The following ZNF407 variants were observed in gnomAD, a reference collection of about 807,000 sequenced individuals.
ZNF407 encodes zinc finger protein 407.
A neutral mutation model predicts 131.2 loss-of-function variants in ZNF407; 17 were observed. The ratio of observed to expected loss-of-function variants is 0.13; its 90% CI spans 0.09 to 0.19. The LOEUF is 0.19. Ranked by LOEUF, ZNF407 falls within the 10% of genes least tolerant of loss-of-function variation. The probability of loss-of-function intolerance (pLI) is 1.00; values close to 1 mark genes in which losing one functional copy is unlikely to be tolerated. For synonymous variants in ZNF407, 1,156 were observed against 1,062.0 expected (o/e 1.09, Z -1.72); for missense variants, 2,681 against 2,830.6 (o/e 0.95, Z 1.20).
intron 6 of ZNF407, among the ~76,000 whole-genome samples, chr18:74,887,452 C>A: frequency 6.6e-6 from 1 of 151,768 alleles, no homozygotes; most frequent in East Asian, 1.9e-4. Context: ...GGTATATAGT[C>A]TTTAAAAAAA....
intron 2 of ZNF407, 39 bp from the exon 3 acceptor site, chr18:74,640,969 A>T (rs777806902): frequency 6.9e-7 from 1 of 1,451,826 alleles, no homozygotes. Flanking sequence ...GTGATGTATT[A>T]TTCAAAATCA....
chr18:74,794,950 A>G (rs2848881), intron 4 of ZNF407, among the ~76,000 whole-genome samples: 2,341 of 152,278 alleles, frequency 0.015, 68 homozygotes, highest in African/African-American at 0.052. Context: ...TAAAAAATAG[A>G]TAAGTGAATA....
chr18:74,810,792 A>G (rs993206505), intron 4 of ZNF407, among the ~76,000 whole-genome samples: 3 of 152,158 alleles, frequency 2.0e-5, no homozygotes, highest in East Asian at 1.9e-4. Flanking sequence ...AAAACTGGCT[A>G]GCCATATGTA....
chr18:74,775,943 G>A (rs1451031348), intron 3 of ZNF407, among the ~76,000 whole-genome samples: 2 of 152,172 alleles, frequency 1.3e-5, no homozygotes, highest in South Asian at 2.1e-4. Flanking sequence ...CGAGGCTGAC[G>A]CTAAACTGCT....
intron 4 of ZNF407, among the ~76,000 whole-genome samples, chr18:74,797,270 A>T (rs538468679): frequency 6.3e-4 from 96 of 152,366 alleles, no homozygotes; most frequent in Middle Eastern, 3.4e-3. Context: ...ACACTGTTTT[A>T]TATTAACATA....
At chr18:74,737,119 G>A (rs1200716049) in intron 3 of ZNF407, among the ~76,000 whole-genome samples, 2 of 152,132 alleles carry the variant, frequency 1.3e-5, no homozygotes, top group Non-Finnish European at 2.9e-5. Context: ...CGATGAGCTT[G>A]CACAAGCTTT....
At chr18:74,653,607 T>C (rs1195846950) in intron 3 of ZNF407, among the ~76,000 whole-genome samples, 1 of 151,882 alleles carries the variant, frequency 6.6e-6, no homozygotes, top group Non-Finnish European at 1.5e-5. Context: ...ATTTAACATG[T>C]ATCGATATGC....
chr18:74,975,097 G>C (rs901470235), intron 8 of ZNF407, among the ~76,000 whole-genome samples: 2 of 152,278 alleles, frequency 1.3e-5, no homozygotes, highest in South Asian at 2.1e-4. Flanking sequence ...GAACTCATTT[G>C]AGTAATGTAC....
At chr18:74,718,964 G>T (rs1010382422) in intron 3 of ZNF407, among the ~76,000 whole-genome samples, 4 of 151,914 alleles carry the variant, frequency 2.6e-5, no homozygotes, top group African/African-American at 9.7e-5. Flanking sequence ...TAGTCTTCTT[G>T]TGGTTACTGA....
intron 8 of ZNF407, among the ~76,000 whole-genome samples, chr18:74,943,313 A>C (rs1183009965): frequency 6.6e-6 from 1 of 152,222 alleles, no homozygotes; most frequent in African/African-American, 2.4e-5. Flanking sequence ...ATATTACGTT[A>C]ATAGTGATTT....
intron 8 of ZNF407, among the ~76,000 whole-genome samples, chr18:74,928,355 C>T (rs1225716583): frequency 6.6e-6 from 1 of 152,092 alleles, no homozygotes; most frequent in Non-Finnish European, 1.5e-5. Flanking sequence ...ATTGTAGAAG[C>T]CAAGGTTCTT....
chr18:74,838,764 A>C lies in ZNF407; in HGVS notation c.4878-38433A>C, dbSNP rs548034365. ...TCCTTACTCAGTGAACCAAATGAGTATATGTTGGGCTATTTGAGTTAAACC... is the reference window on the plus strand; with the variant it reads ...TCCTTACTCAGTGAACCAAATGAGTCTATGTTGGGCTATTTGAGTTAAACC... On this transcript the variant is annotated intron_variant, in intron 4 of 8. Transcript: ENST00000299687. 2.0e-5 allele frequency among the ~76,000 whole-genome samples: 3 copies of C among 152,222 alleles called. No individual in the cohort carries two copies. In the East Asian group the frequency reaches 5.8e-4, roughly 29 times the overall value.
At chr18:74,741,566 C>T (rs1324029859) in intron 3 of ZNF407, among the ~76,000 whole-genome samples, 1 of 151,818 alleles carries the variant, frequency 6.6e-6, no homozygotes, top group East Asian at 1.9e-4. Context: ...AAGTTTAGAG[C>T]CAGATTAACC....
intron 4 of ZNF407, among the ~76,000 whole-genome samples, chr18:74,842,695 AT>A (rs1276992763): frequency 6.6e-6 from 1 of 151,760 alleles, no homozygotes; most frequent in African/African-American, 2.4e-5. Context: ...TTTATATACT[AT>A]ATTGTTCCCT....
intron 1 of ZNF407, among the ~76,000 whole-genome samples, chr18:74,609,516 TA>T (rs202138714): frequency 6.6e-6 from 1 of 151,818 alleles, no homozygotes; most frequent in African/African-American, 2.4e-5. Flanking sequence ...GTATAAAAGA[TA>T]AAAAAAAGGT....
intron 8 of ZNF407, among the ~76,000 whole-genome samples, chr18:75,036,800 G>A (rs542783741): frequency 2.0e-5 from 3 of 152,294 alleles, no homozygotes; most frequent in Non-Finnish European, 4.4e-5. Context: ...CTTTAATCCC[G>A]TGATTCATGA....
At chr18:74,879,043 A>C (rs1283524560) in intron 5 of ZNF407, among the ~76,000 whole-genome samples, 1 of 152,202 alleles carries the variant, frequency 6.6e-6, no homozygotes, top group African/African-American at 2.4e-5. Context: ...TTGAGAATCA[A>C]CTCACATAGA....
rs767639585 is a variant in ZNF407 at position 74,827,207 on chromosome 18, G to A, written c.4877+45705G>A. Among the ~76,000 whole-genome samples the A allele has an allele frequency of 4.7e-4, 72 of 152,120 alleles. 1 individual carries two copies. The highest frequency in any genetic ancestry group is 1.6e-3 in the Admixed American group (24 of 15,284). ...TTGTTAGACCCGGAGTATGTATTTT[G>A]GTATTGAAAAGCATATGTATTTTGT... On this transcript the variant is annotated intron_variant, in intron 4 of 8. Coordinates refer to ENST00000299687, the MANE Select transcript of ZNF407 (RefSeq NM_017757.3).
At chr18:74,988,995 A>T (rs1972686490) in intron 8 of ZNF407, among the ~76,000 whole-genome samples, 1 of 152,208 alleles carries the variant, frequency 6.6e-6, no homozygotes, top group Admixed American at 6.5e-5. Context: ...AAATAAATGA[A>T]AAGATGCATC....
Sources: gnomAD v4.1 joint callset for allele counts (sites outside exome capture counted in the v4.1 genomes callset) on GRCh38, gnomAD v4.1.1 for gene constraint, MANE v1.5 for transcripts, NCBI Gene and HGNC (gene_info 2026-07-23, HGNC 2026-07-21) for gene names.